GCNT1: variants seen among roughly 807,000 people sequenced by gnomAD.
GCNT1 encodes beta-1,3-galactosyl-O-glycosyl-glycoprotein beta-1,6-N-acetylglucosaminyltransferase.
Under a neutral mutation model 26.2 loss-of-function variants are expected in GCNT1, and 16 were observed. The observed-to-expected ratio is 0.61, with a 90% CI of 0.41 to 0.93. The LOEUF (loss-of-function observed/expected upper bound fraction) is 0.93, where lower values mean the gene tolerates loss of function less well. GCNT1 is among the 40% of genes least tolerant of loss of function. The pLI, the probability that GCNT1 is intolerant of heterozygous loss-of-function variation, is 0.00. For synonymous variants in GCNT1, 183 were observed against 190.8 expected (o/e 0.96, Z 0.34); for missense variants, 477 against 526.7 (o/e 0.91, Z 0.92).
In GCNT1 at chr9:76,502,702, C is replaced by G. The variant is rs1825114408; in HGVS notation, c.321C>G (p.Arg107=). ...TSDCSSFIKR[R]KYIVEPLSKE... Reference sequence around the variant, plus strand: ...ACTGTTCTTCTTTCATCAAGAGACGCAAATATATTGTAGAACCCCTTAGTA... The same window carrying G: ...ACTGTTCTTCTTTCATCAAGAGACGGAAATATATTGTAGAACCCCTTAGTA... The change falls in exon 4 of 4, where the codon CGC becomes CGG. Residue 107 remains arginine, a synonymous_variant. Coordinates refer to ENST00000376730, the MANE Select transcript of GCNT1 (RefSeq NM_001490.5). 1.9e-6 allele frequency: 3 copies of G among 1,614,000 alleles called. No individual in the cohort carries two copies. Among genetic ancestry groups the G allele is most frequent in the Non-Finnish European group, 1.7e-6 (2 of 1,179,900 alleles).
chr9:76,406,513 A>G, the GCNT1 span, among the ~76,000 whole-genome samples: 2 of 151,028 alleles, frequency 1.3e-5, no homozygotes, highest in Admixed American at 6.6e-5. Context: ...AAAAAAAAAA[A>G]AGAAAGAAAG....
upstream of GCNT1, among the ~76,000 whole-genome samples, chr9:76,436,985 C>A (rs909116594): frequency 8.6e-5 from 13 of 151,992 alleles, no homozygotes; most frequent in Admixed American, 5.9e-4. Context: ...GAAGGGATAG[C>A]ATTAGGAGAT....
At chr9:76,467,901 T>TG (rs1180058839) in intron 2 of GCNT1, among the ~76,000 whole-genome samples, 5 of 111,140 alleles carry the variant, frequency 4.5e-5, no homozygotes, top group Admixed American at 1.7e-4. Flanking sequence ...TTCAGTGTTT[T>TG]TTTTTTTTTT....
rs137965616 is a variant in GCNT1, at chr9:76,505,052, G to A, written c.*1384G>A. ...ATTCAAATCTTAAAAAGAAATTCTC[G>A]TACTTTTGCCATGTTGATACTGTTC... On this transcript the variant is annotated 3_prime_UTR_variant, in exon 4 of 4. Transcript: ENST00000376730. 8 of 412,208 alleles carry A rather than the reference G, an allele frequency of 1.9e-5. No homozygotes were observed. The highest frequency in any genetic ancestry group is 3.5e-5 in the Non-Finnish European group (8 of 225,992). The allele number at this position is 412,208 out of a possible 1,614,324, so 25.5% of individuals were successfully genotyped here. A position where few individuals can be genotyped will look rare whatever the true frequency, so the allele number is the denominator to read the frequency against.
the GCNT1 span, among the ~76,000 whole-genome samples, chr9:76,407,697 C>T: frequency 7.9e-5 from 12 of 152,106 alleles, no homozygotes; most frequent in Non-Finnish European, 1.6e-4. Flanking sequence ...ATCTATAGAT[C>T]GCATTGAGAA....
In GCNT1 at chr9:76,428,282, AAAAAAAACTT is replaced by A. The variant is rs1564220560; in HGVS notation, n.38+8403_38+8412del. 2.1e-4 allele frequency among the ~76,000 whole-genome samples: 30 copies of A among 142,964 alleles called. 3 individuals carry two copies. The highest frequency in any genetic ancestry group is 4.6e-4 in the South Asian group (2 of 4,318). The allele number at this position is 142,964 out of a possible 152,430, so 93.8% of individuals were successfully genotyped here. A position where few individuals can be genotyped will look rare whatever the true frequency, so the allele number is the denominator to read the frequency against. Reference sequence around the variant, plus strand: ...CTCCGTCTCAAAAAAAAAAAAAAAAAAAAAAAACTTAAAAAAAAAAAGAGAGAGAGAAATG... The same window carrying A: ...CTCCGTCTCAAAAAAAAAAAAAAAAAAAAAAAAAAAAGAGAGAGAGAAATG... On this transcript the variant is annotated intron_variant and non_coding_transcript_variant, in intron 1 of 3. Coordinates refer to the GCNT1 transcript ENST00000488136.
At chr9:76,445,029 C>A (rs1823552795) in intron 1 of GCNT1, among the ~76,000 whole-genome samples, 1 of 152,068 alleles carries the variant, frequency 6.6e-6, no homozygotes, top group Non-Finnish European at 1.5e-5. Context: ...ACTATCTGGC[C>A]CTTTCCAGAA....
At chr9:76,436,082 G>T (rs1251351791) in intron 1 of GCNT1, among the ~76,000 whole-genome samples, 1 of 151,010 alleles carries the variant, frequency 6.6e-6, no homozygotes, top group African/African-American at 2.4e-5. Flanking sequence ...CTCCCCAGTA[G>T]GTGGGATTAC....
chr9:76,504,393 A>G lies in GCNT1; in HGVS notation c.*725A>G. The G allele has an allele frequency of 1.6e-5, 3 of 193,022 alleles. No homozygotes were observed. Among genetic ancestry groups the G allele is most frequent in the Non-Finnish European group, 1.2e-5 (1 of 85,728 alleles). 12.0% of individuals were successfully genotyped at this position (193,022 alleles called of 1,614,324 possible). ...TTAAGACATCTTTTTTAAAAAAATTATAGCTTCTACCAAGAGAAACACTCA... is the reference window on the plus strand; with the variant it reads ...TTAAGACATCTTTTTTAAAAAAATTGTAGCTTCTACCAAGAGAAACACTCA... On this transcript the variant is annotated 3_prime_UTR_variant, in exon 4 of 4. Coordinates refer to ENST00000376730, the MANE Select transcript of GCNT1 (RefSeq NM_001490.5).
chr9:76,449,054 A>T (rs7849914), intron 1 of GCNT1, among the ~76,000 whole-genome samples: 1 of 152,158 alleles, frequency 6.6e-6, no homozygotes, highest in South Asian at 2.1e-4. Flanking sequence ...CAGGCTGGGC[A>T]TGGTGGCAGG....
upstream of GCNT1, among the ~76,000 whole-genome samples, chr9:76,458,558 GAC>G (rs1823801281): frequency 6.6e-6 from 1 of 152,140 alleles, no homozygotes; most frequent in African/African-American, 2.4e-5. Context: ...AACGAAAGAA[GAC>G]ACAGACACAA....
intron 2 of GCNT1, among the ~76,000 whole-genome samples, chr9:76,496,010 T>C (rs990428633): frequency 2.6e-5 from 4 of 152,184 alleles, no homozygotes; most frequent in Admixed American, 6.5e-5. Context: ...TTATTTCTCT[T>C]GGCATGCTTG....
chr9:76,407,639 T>C, the GCNT1 span, among the ~76,000 whole-genome samples: 1 of 152,212 alleles, frequency 6.6e-6, no homozygotes, highest in African/African-American at 2.4e-5. Context: ...AATCAGTTTG[T>C]CAATATCACA....
upstream of GCNT1, among the ~76,000 whole-genome samples, chr9:76,458,673 T>C (rs1022962555): frequency 1.4e-4 from 21 of 152,158 alleles, no homozygotes; most frequent in African/African-American, 4.8e-4. Flanking sequence ...CACAGCACTG[T>C]GGATTGTTCC....
intron 2 of GCNT1, among the ~76,000 whole-genome samples, chr9:76,482,968 A>G (rs146516341): frequency 6.6e-6 from 1 of 152,004 alleles, no homozygotes; most frequent in East Asian, 1.9e-4. Context: ...ACAGTATATT[A>G]TCTTTAATCT....
the GCNT1 span, among the ~76,000 whole-genome samples, chr9:76,409,695 C>CTTTGG: frequency 4.6e-5 from 7 of 152,314 alleles, no homozygotes; most frequent in African/African-American, 1.7e-4. Flanking sequence ...ATCCACCTGC[C>CTTTGG]TCGACCTCCC....
intron 1 of GCNT1, chr9:76,420,199 A>G (rs1320777919): frequency 6.6e-6 from 1 of 152,234 alleles, no homozygotes; most frequent in African/African-American, 2.4e-5. Context: ...AGTGTGGTCT[A>G]TCATGTGGGA....
the GCNT1 span, among the ~76,000 whole-genome samples, chr9:76,412,451 A>C: frequency 2.6e-5 from 4 of 152,340 alleles, no homozygotes; most frequent in South Asian, 8.3e-4. Context: ...AGGCAGATCT[A>C]CTAGCAACAA....
Position 76,506,753 on chromosome 9 carries a change from A to G in GCNT1, c.*3085A>G, listed in dbSNP as rs1825248572. The stretch of plus-strand genomic sequence containing the variant: ...AAATGGAGTGTTGTTGTTTCTAAAC[A>G]TATATTTATGTCATTTATTAAGTAC... On this transcript the variant is annotated 3_prime_UTR_variant, in exon 4 of 4. Transcript: ENST00000376730. 1 of 167,062 alleles carries G rather than the reference A, an allele frequency of 6.0e-6. No homozygotes were observed. Among genetic ancestry groups the G allele is most frequent in the Non-Finnish European group, 1.5e-5 (1 of 68,118 alleles). The allele number at this position is 167,062 out of a possible 1,614,324, so 10.3% of individuals were successfully genotyped here.
Sources: gnomAD v4.1 joint callset for allele counts (sites outside exome capture counted in the v4.1 genomes callset) on GRCh38, gnomAD v4.1.1 for gene constraint, MANE v1.5 for transcripts, NCBI Gene and HGNC (gene_info 2026-07-23, HGNC 2026-07-21) for gene names.